The following NUMB variants were observed in gnomAD, a reference collection of about 807,000 sequenced individuals.
NUMB encodes protein numb homolog.
NUMB carries 29 observed loss-of-function variants against 59.7 expected under a neutral mutation model. The observed-to-expected ratio is 0.49, with a 90% confidence interval of 0.36 to 0.66. The LOEUF (loss-of-function observed/expected upper bound fraction) is 0.66, where lower values mean the gene tolerates loss of function less well. Ranked by LOEUF, NUMB falls within the 30% of genes least tolerant of loss-of-function variation. NUMB has a pLI of 0.00. For synonymous variants in NUMB, 288 were observed against 288.2 expected, an observed-to-expected ratio of 1.00 and a Z score of 0.01; for missense variants, 723 against 822.0, an observed-to-expected ratio of 0.88 and a Z score of 1.47.
rs1161769200 is a variant in NUMB, at chr14:73,350,066, T to TACACACACACACACAC, written c.126+5559_126+5560insGTGTGTGTGTGTGTGT. On this transcript the variant is annotated intron_variant, in intron 4 of 12. Transcript: ENST00000555238. ...TCACATACATACATACATATATACA[T>TACACACACACACACAC]ACATACATACATACACACACACACA... 1.4e-4 allele frequency among the ~76,000 whole-genome samples: 15 copies of TACACACACACACACAC among 103,714 alleles called. No individual in the cohort carries two copies. The South Asian group carries it at 3.4e-3, about 23-fold the overall frequency. 68.0% of individuals were successfully genotyped at this position (103,714 alleles called of 152,430 possible).
intron 5 of NUMB, among the ~76,000 whole-genome samples, chr14:73,317,032 C>A (rs1891118227): frequency 6.6e-6 from 1 of 152,168 alleles, no homozygotes; most frequent in African/African-American, 2.4e-5. Context: ...GGGAGCTTGA[C>A]CATTGGCTTT....
chr14:73,309,718 TATAATA>T (rs199953380), intron 6 of NUMB, among the ~76,000 whole-genome samples: 222 of 137,210 alleles, frequency 1.6e-3, no homozygotes, highest in East Asian at 7.0e-3. Flanking sequence ...GAACTTAAGG[TATAATA>T]ATAATAATAA....
At chr14:73,300,968 G>A (rs1278620011) in intron 6 of NUMB, among the ~76,000 whole-genome samples, 1 of 152,156 alleles carries the variant, frequency 6.6e-6, no homozygotes, top group Non-Finnish European at 1.5e-5. Flanking sequence ...ATTGGTAGAA[G>A]AGTCATTCAC....
chr14:73,278,532 AC>A (rs1374326767), intron 12 of NUMB, among the ~76,000 whole-genome samples: 6 of 149,872 alleles, frequency 4.0e-5, no homozygotes, highest in Non-Finnish European at 8.9e-5. Context: ...AAAAAAAAAA[AC>A]TTTTTGGTTT....
chr14:73,286,987 T>A (rs747047235), intron 9 of NUMB, 123 bp downstream of exon 9: 8 of 929,954 alleles, frequency 8.6e-6, no homozygotes. Flanking sequence ...AACTTTGTTA[T>A]AAGGTTTTAT....
chr14:73,335,246 A>C, intron 4 of NUMB, among the ~76,000 whole-genome samples: 1 of 146,510 alleles, frequency 6.8e-6, no homozygotes, highest in Non-Finnish European at 1.5e-5. Context: ...TCATTCTATC[A>C]CTTAGCTTAA....
At chr14:73,437,690 TG>T (rs1898116317) in intron 1 of NUMB, among the ~76,000 whole-genome samples, 1 of 152,240 alleles carries the variant, frequency 6.6e-6, no homozygotes, top group Non-Finnish European at 1.5e-5. Flanking sequence ...GCATATGGAA[TG>T]ATTCCATTTA....
At chr14:73,445,952 T>C (rs961546738) in intron 1 of NUMB, among the ~76,000 whole-genome samples, 2 of 151,682 alleles carry the variant, frequency 1.3e-5, no homozygotes, top group Non-Finnish European at 2.9e-5. Context: ...TGCAAAAAAT[T>C]AACAACTTAT....
chr14:73,299,156 G>A (rs1889959616), intron 6 of NUMB: 2 of 152,166 alleles, frequency 1.3e-5, no homozygotes, highest in African/African-American at 2.4e-5. Flanking sequence ...CAAGTCTGGG[G>A]CTCTATAAAT....
chr14:73,306,160 TA>T (rs1284429669), intron 6 of NUMB, among the ~76,000 whole-genome samples: 3 of 152,176 alleles, frequency 2.0e-5, no homozygotes, highest in African/African-American at 4.8e-5. Flanking sequence ...TCTCAGACAC[TA>T]AGGTTCATTA....
At chr14:73,332,414 C>T (rs1892033402) in intron 4 of NUMB, among the ~76,000 whole-genome samples, 1 of 151,968 alleles carries the variant, frequency 6.6e-6, no homozygotes, top group Non-Finnish European at 1.5e-5. Context: ...CCACCACACC[C>T]AGCTAATTTT....
chr14:73,284,518 C>T (rs936962440), intron 9 of NUMB, 144 bp from the exon 10 acceptor site: 17 of 663,274 alleles, frequency 2.6e-5, no homozygotes, highest in South Asian at 3.9e-5. Flanking sequence ...AAGCAGGGTT[C>T]GGATCCATTT....
intron 2 of NUMB, among the ~76,000 whole-genome samples, chr14:73,394,208 T>TG (rs1483162645): frequency 4.6e-5 from 7 of 152,136 alleles, no homozygotes; most frequent in African/African-American, 1.7e-4. Context: ...ACCCACCTCG[T>TG]GCTGGGATTA....
At chr14:73,449,470 T>C (rs1317092759) in intron 1 of NUMB, among the ~76,000 whole-genome samples, 1 of 152,234 alleles carries the variant, frequency 6.6e-6, no homozygotes, top group Non-Finnish European at 1.5e-5. Context: ...TGTATTGTTT[T>C]ATTTTTTATT....
At chr14:73,341,455 G>A (rs1320353481) in intron 4 of NUMB, among the ~76,000 whole-genome samples, 1 of 152,114 alleles carries the variant, frequency 6.6e-6, no homozygotes, top group Non-Finnish European at 1.5e-5. Context: ...AGAGTAGTCA[G>A]TAAAACTGTA....
chr14:73,452,878 G>C (rs866597734), intron 1 of NUMB, among the ~76,000 whole-genome samples: 1 of 152,188 alleles, frequency 6.6e-6, no homozygotes, highest in Admixed American at 6.5e-5. Context: ...CAAAGGAAGA[G>C]TAATAACAAG....
At chr14:73,409,331 C>T (rs1896809144) in intron 2 of NUMB, 1 of 152,354 alleles carries the variant, frequency 6.6e-6, no homozygotes, top group Admixed American at 6.5e-5. Context: ...CTCTCTCTCT[C>T]GGAACCCAGG....
chr14:73,373,992 C>T (rs1257408676), intron 2 of NUMB, among the ~76,000 whole-genome samples: 3 of 152,158 alleles, frequency 2.0e-5, no homozygotes, highest in Admixed American at 2.0e-4. Flanking sequence ...CCTCAGCTTC[C>T]CTAGTAGCTG....
At chr14:73,292,130 C>T (rs984027810) in intron 8 of NUMB, among the ~76,000 whole-genome samples, 7 of 152,048 alleles carry the variant, frequency 4.6e-5, no homozygotes, top group South Asian at 2.1e-4. Context: ...CCAACACCTA[C>T]GCTCAAGTGT....
Sources: allele counts gnomAD v4.1 joint callset (sites outside exome capture counted in the v4.1 genomes callset), GRCh38; gene constraint gnomAD v4.1.1; transcripts MANE v1.5; gene names NCBI Gene and HGNC (gene_info 2026-07-23, HGNC 2026-07-21).